Variants in QKI observed in about 807,000 individuals in gnomAD.
QKI encodes KH domain-containing RNA-binding protein QKI.
A neutral mutation model predicts 39.0 loss-of-function variants in QKI; 10 were observed. That is an observed-to-expected ratio of 0.26 (90% CI 0.16 to 0.43). The LOEUF is 0.43. Among genes scored for constraint, QKI ranks in the 20% least tolerant of loss-of-function variants. The probability of loss-of-function intolerance (pLI) is 1.00; values close to 1 mark genes in which losing one functional copy is unlikely to be tolerated. For missense variants in QKI, 218 were observed against 428.0 expected, an observed-to-expected ratio of 0.51 and a Z score of 4.33; for synonymous variants, 204 against 155.4, an observed-to-expected ratio of 1.31 and a Z score of -2.33.
chr6:163,494,813 A>G (rs1449126097), intron 3 of QKI, among the ~76,000 whole-genome samples: 2 of 152,120 alleles, frequency 1.3e-5, no homozygotes, highest in African/African-American at 2.4e-5. Context: ...GATGTGCCTT[A>G]TGGAGAAAAT....
At chr6:163,514,904 T>C (rs1779698181) in intron 3 of QKI, among the ~76,000 whole-genome samples, 1 of 152,166 alleles carries the variant, frequency 6.6e-6, no homozygotes, top group African/African-American at 2.4e-5. Context: ...TACATTGAAA[T>C]GTATTTTAAA....
At chr6:163,416,069 T>TG (rs1787455292) in intron 1 of QKI, 1 of 58,364 alleles carries the variant, frequency 1.7e-5, no homozygotes, top group Admixed American at 2.1e-4. Context: ...GGGGGGGGGG[T>TG]GGAGTGCGAA....
At chr6:163,537,627 A>G (rs973703760) in intron 4 of QKI, among the ~76,000 whole-genome samples, 1 of 152,166 alleles carries the variant, frequency 6.6e-6, no homozygotes, top group Admixed American at 6.5e-5. Context: ...TGGAATTCTC[A>G]GTTACGCTTT....
intron 6 of QKI, chr6:163,564,062 C>T: frequency 1.7e-5 from 19 of 1,100,328 alleles, no homozygotes; most frequent in Non-Finnish European, 2.1e-5. Flanking sequence ...CTCCACTTCT[C>T]AAACTTTATT....
chr6:163,427,368 A>G (rs1382123136), intron 1 of QKI, among the ~76,000 whole-genome samples: 2 of 151,044 alleles, frequency 1.3e-5, no homozygotes, highest in African/African-American at 4.9e-5. Context: ...AATTAATAAT[A>G]TTACTAATAG....
chr6:163,540,117 T>A (rs889896584), intron 4 of QKI, among the ~76,000 whole-genome samples: 1 of 152,008 alleles, frequency 6.6e-6, no homozygotes, highest in Admixed American at 6.6e-5. Context: ...TCTTTTTTTT[T>A]GGAAAGATAG....
intron 2 of QKI, among the ~76,000 whole-genome samples, chr6:163,471,496 CAA>C (rs1792178479): frequency 6.6e-6 from 1 of 152,064 alleles, no homozygotes; most frequent in East Asian, 1.9e-4. Context: ...ATTTGAAAAA[CAA>C]AGGCATATAA....
chr6:163,507,446 A>C (rs771282309), intron 3 of QKI, among the ~76,000 whole-genome samples: 10 of 152,230 alleles, frequency 6.6e-5, no homozygotes, highest in African/African-American at 2.2e-4. Flanking sequence ...CCTTGAAGGA[A>C]GGAAGTTAGT....
intron 3 of QKI, among the ~76,000 whole-genome samples, chr6:163,510,070 G>A (rs1370836555): frequency 1.3e-5 from 2 of 151,974 alleles, no homozygotes; most frequent in Non-Finnish European, 2.9e-5. Context: ...CAAAAAATTA[G>A]CTGGATGTGG....
chr6:163,520,088 T>C (rs899108289), intron 3 of QKI, among the ~76,000 whole-genome samples: 1 of 152,186 alleles, frequency 6.6e-6, no homozygotes, highest in Non-Finnish European at 1.5e-5. Context: ...TCTATAGTTA[T>C]ATGGGTTGAT....
intron 1 of QKI, 88 bp downstream of exon 1, chr6:163,415,423 T>C: frequency 1.0e-6 from 1 of 1,001,990 alleles, no homozygotes; most frequent in Non-Finnish European, 1.4e-6. Flanking sequence ...GGCGGGAAGG[T>C]CACGGCCGGG....
At chr6:163,509,053 C>T (rs1779275314) in intron 3 of QKI, among the ~76,000 whole-genome samples, 1 of 151,994 alleles carries the variant, frequency 6.6e-6, no homozygotes, top group African/African-American at 2.4e-5. Context: ...CCACGAGAAT[C>T]ACTTGAATCC....
chr6:163,521,398 A>G (rs1283954859), intron 3 of QKI, among the ~76,000 whole-genome samples: 3 of 152,204 alleles, frequency 2.0e-5, no homozygotes, highest in Non-Finnish European at 2.9e-5. Flanking sequence ...AGATTAACAT[A>G]TATAGACTAT....
At chr6:163,476,763 T>G (rs926240619) in intron 2 of QKI, among the ~76,000 whole-genome samples, 6 of 152,204 alleles carry the variant, frequency 3.9e-5, no homozygotes, top group African/African-American at 1.2e-4. Context: ...TCACATCTCC[T>G]TCTAGAAATG....
At chr6:163,566,958 T>C in intron 7 of QKI, 163 bp downstream of exon 7, 2 of 1,388,444 alleles carry the variant, frequency 1.4e-6, no homozygotes, top group Non-Finnish European at 9.3e-7. Flanking sequence ...GGTTGGGTTT[T>C]TTGTTTTGGT....
chr6:163,532,160 G>GACT (rs1780902110), intron 3 of QKI, among the ~76,000 whole-genome samples: 1 of 152,144 alleles, frequency 6.6e-6, no homozygotes, highest in African/African-American at 2.4e-5. Flanking sequence ...TCCATGTATA[G>GACT]AGGTTTCTGC....
chr6:163,453,107 T>A (rs865974443), intron 1 of QKI, among the ~76,000 whole-genome samples: 1 of 151,932 alleles, frequency 6.6e-6, no homozygotes, highest in African/African-American at 2.4e-5. Context: ...TTTTTTTTTT[T>A]CTAAGTTTGA....
intron 3 of QKI, among the ~76,000 whole-genome samples, chr6:163,481,980 A>G (rs1218282698): frequency 6.6e-6 from 1 of 152,112 alleles, no homozygotes; most frequent in African/African-American, 2.4e-5. Flanking sequence ...GGAGTTGAAG[A>G]CCAACAAGGT....
At chr6:163,569,847 A>C in intron 7 of QKI, 1 of 987,054 alleles carries the variant, frequency 1.0e-6, no homozygotes, top group South Asian at 4.7e-5. Context: ...TATCAATTAG[A>C]AATTTCTTCT....
Sources: gnomAD v4.1 joint callset for allele counts (sites outside exome capture counted in the v4.1 genomes callset) on GRCh38, gnomAD v4.1.1 for gene constraint, MANE v1.5 for transcripts, NCBI Gene and HGNC (gene_info 2026-07-23, HGNC 2026-07-21) for gene names.